The following FAAH2 variants were observed in gnomAD, a reference collection of about 807,000 sequenced individuals.
FAAH2 encodes the protein fatty acid amide hydrolase 2.
Under a neutral mutation model 36.9 loss-of-function variants are expected in FAAH2, and 60 were observed. The ratio of observed to expected loss-of-function variants is 1.63; its 90% CI spans 1.32 to 2.02. FAAH2 has a LOEUF of 2.02. FAAH2 is among the 30% of genes most tolerant of loss of function. The probability of loss-of-function intolerance (pLI) is 0.00; values close to 1 mark genes in which losing one functional copy is unlikely to be tolerated. For synonymous variants in FAAH2, 214 were observed against 143.8 expected (o/e 1.49, Z -3.49); for missense variants, 689 against 397.5 (o/e 1.73, Z -6.23).
At chrX:57,161,347 G>A in the FAAH2 span, among the ~76,000 whole-genome samples, 1 of 111,667 alleles carries the variant, frequency 9.0e-6, no homozygotes, top group East Asian at 2.8e-4. Context: ...TTGATTTGGG[G>A]TGGAGAGTTC....
At chrX:57,123,928 A>G in the FAAH2 span, among the ~76,000 whole-genome samples, 1 of 111,827 alleles carries the variant, frequency 8.9e-6, no homozygotes, top group Non-Finnish European at 1.9e-5. Context: ...AGTAGATTGC[A>G]AAAACTTTCT....
the FAAH2 span, among the ~76,000 whole-genome samples, chrX:57,277,524 G>GCCCT: frequency 8.9e-6 from 1 of 111,996 alleles, no homozygotes; most frequent in Non-Finnish European, 1.9e-5. Context: ...ATACAAGGAT[G>GCCCT]CCCTCTCTCA....
chrX:57,128,468 G>C, the FAAH2 span, among the ~76,000 whole-genome samples: 1 of 111,632 alleles, frequency 9.0e-6, no homozygotes, highest in Admixed American at 9.5e-5. Flanking sequence ...GTATAGTAAT[G>C]ACTATTTCCC....
At chrX:57,476,276 G>T (rs1250136951) in intron 10 of FAAH2, among the ~76,000 whole-genome samples, 2 of 110,795 alleles carry the variant, frequency 1.8e-5, no homozygotes, top group Non-Finnish European at 3.8e-5. Context: ...TCTTCTGCTG[G>T]GTTTCAAAGG....
At chrX:57,225,120 A>T in the FAAH2 span, among the ~76,000 whole-genome samples, 124 of 104,536 alleles carry the variant, frequency 1.2e-3, no homozygotes, top group East Asian at 0.01. Flanking sequence ...CTTTCGTAAA[A>T]TTTTTTTTTT....
chrX:57,122,201 GT>G, the FAAH2 span, among the ~76,000 whole-genome samples: 1 of 111,219 alleles, frequency 9.0e-6, no homozygotes, highest in African/African-American at 3.3e-5. Context: ...AATGCTCATA[GT>G]TTTTTTTCCT....
At chrX:57,261,411 G>T in the FAAH2 span, among the ~76,000 whole-genome samples, 2 of 108,676 alleles carry the variant, frequency 1.8e-5, no homozygotes, top group African/African-American at 6.7e-5. Context: ...AAATTAGCTG[G>T]GCATGGTGGT....
the FAAH2 span, among the ~76,000 whole-genome samples, chrX:57,133,078 G>A: frequency 1.8e-5 from 2 of 111,406 alleles, no homozygotes; most frequent in African/African-American, 6.5e-5. Context: ...TCTCAGTGAG[G>A]CCTTCCCTGG....
intron 7 of FAAH2, among the ~76,000 whole-genome samples, chrX:57,429,931 A>T (rs993857540): frequency 2.1e-4 from 23 of 111,471 alleles, no homozygotes; most frequent in African/African-American, 7.2e-4. Flanking sequence ...TGGTTTGGAA[A>T]CAGAAAGGCA....
Position 57,451,125 on chromosome X carries a change from GA to G in FAAH2, c.1423+2408del, listed in dbSNP as rs2056775980. ...ATAGCTAAGATAATATACGAACTGG[GA>G]CTTTAACCCAGGCCCTATGATTTCA... On this transcript the variant is annotated intron_variant, in intron 10 of 10. Coordinates refer to ENST00000374900, the MANE Select transcript of FAAH2 (RefSeq NM_174912.4). Among the ~76,000 whole-genome samples, 3 of 111,411 alleles carry G rather than the reference GA, an allele frequency of 2.7e-5. No homozygotes were observed. In the Admixed American group the frequency reaches 2.9e-4, roughly 11 times the overall value.
chrX:57,225,773 C>G, the FAAH2 span, among the ~76,000 whole-genome samples: 43 of 111,183 alleles, frequency 3.9e-4, no homozygotes, highest in African/African-American at 1.4e-3. Flanking sequence ...CTATCTATCT[C>G]ATTTCTTCAT....
chrX:57,227,737 C>A, the FAAH2 span, among the ~76,000 whole-genome samples: 1 of 111,576 alleles, frequency 9.0e-6, no homozygotes, highest in Non-Finnish European at 1.9e-5. Context: ...TTGTCTCCTG[C>A]CACCAGGGTG....
the FAAH2 span, among the ~76,000 whole-genome samples, chrX:57,231,396 G>T: frequency 3.3e-4 from 37 of 110,981 alleles, no homozygotes; most frequent in Admixed American, 6.7e-4. Context: ...TAGGTTCCAT[G>T]TTCTGGACTC....
intron 7 of FAAH2, chrX:57,381,599 A>T (rs2054852018): frequency 1.7e-6 from 1 of 588,124 alleles, no homozygotes; most frequent in Non-Finnish European, 2.0e-6. Context: ...CATAATGGTA[A>T]AGGGATCAAT....
chrX:57,251,503 G>A, the FAAH2 span, among the ~76,000 whole-genome samples: 3 of 111,686 alleles, frequency 2.7e-5, no homozygotes, highest in South Asian at 3.8e-4. Flanking sequence ...CTTAATCAGA[G>A]TAGTTAGGCA....
At chrX:57,478,883 T>TA (rs753298643) in intron 10 of FAAH2, among the ~76,000 whole-genome samples, 13 of 111,989 alleles carry the variant, frequency 1.2e-4, no homozygotes, top group African/African-American at 4.2e-4. Flanking sequence ...CTGTTTTGGT[T>TA]ACTGTAGCCT....
the FAAH2 span, among the ~76,000 whole-genome samples, chrX:57,141,597 T>G: frequency 9.0e-6 from 1 of 111,460 alleles, no homozygotes; most frequent in Non-Finnish European, 1.9e-5. Context: ...TTATTACCAT[T>G]GCTATCTCAT....
At chrX:57,415,454 C>T (rs1223815884) in intron 7 of FAAH2, among the ~76,000 whole-genome samples, 1 of 111,731 alleles carries the variant, frequency 9.0e-6, no homozygotes, top group East Asian at 2.8e-4. Context: ...CAAAGAACTT[C>T]TTTACTTCTG....
chrX:57,125,133 C>A, the FAAH2 span, among the ~76,000 whole-genome samples: 1 of 112,623 alleles, frequency 8.9e-6, no homozygotes, highest in Non-Finnish European at 1.9e-5. Flanking sequence ...ATGATATTGG[C>A]TGTGGGTTTG....
Sources: allele counts gnomAD v4.1 joint callset (sites outside exome capture counted in the v4.1 genomes callset), GRCh38; gene constraint gnomAD v4.1.1; transcripts MANE v1.5; gene names NCBI Gene and HGNC (gene_info 2026-07-23, HGNC 2026-07-21).